IGBP1: variants seen among roughly 807,000 people sequenced by gnomAD.
IGBP1 encodes immunoglobulin binding protein 1.
IGBP1 carries 2 observed loss-of-function variants against 25.9 expected under a neutral mutation model. That is an observed-to-expected ratio of 0.08 (90% CI 0.03 to 0.24). IGBP1 has a LOEUF of 0.24. IGBP1 is among the 10% of genes least tolerant of loss of function. IGBP1 has a pLI of 1.00. For missense variants in IGBP1, 187 were observed against 260.4 expected, an observed-to-expected ratio of 0.72 and a Z score of 1.94; for synonymous variants, 96 against 93.4, an observed-to-expected ratio of 1.03 and a Z score of -0.16.
At chrX:70,152,487 A>C (rs1173810130) in intron 6 of IGBP1, among the ~76,000 whole-genome samples, 1 of 112,196 alleles carries the variant, frequency 8.9e-6, no homozygotes, top group African/African-American at 3.2e-5. Context: ...CAAACAGGAA[A>C]ATGTGACTCA....
chrX:70,163,056 A>T (rs187524207), intron 6 of IGBP1, among the ~76,000 whole-genome samples: 1,126 of 110,017 alleles, frequency 0.01, 10 homozygotes, highest in African/African-American at 0.035. Flanking sequence ...ATATATATAT[A>T]TTTTTATTTT....
chrX:70,138,165 A>C (rs1261386478), intron 3 of IGBP1, among the ~76,000 whole-genome samples: 1 of 109,851 alleles, frequency 9.1e-6, no homozygotes, highest in Admixed American at 9.7e-5. Flanking sequence ...GGTATTTGAG[A>C]TGAGTCTTAA....
At chrX:70,147,410 G>A (rs2085173674) in intron 4 of IGBP1, among the ~76,000 whole-genome samples, 1 of 109,894 alleles carries the variant, frequency 9.1e-6, no homozygotes, top group Non-Finnish European at 1.9e-5. Context: ...GTGACAGAAT[G>A]AGACTCCATC....
At chrX:70,156,608 T>G (rs1279003196) in intron 6 of IGBP1, among the ~76,000 whole-genome samples, 1 of 112,204 alleles carries the variant, frequency 8.9e-6, no homozygotes, top group African/African-American at 3.2e-5. Flanking sequence ...TACTTCTAAC[T>G]GGGAATAAGT....
At position 70,165,750 on chromosome X, in the gene IGBP1, C is replaced by G. The variant is rs1431944881; in HGVS notation, c.872-83C>G. On this transcript the variant is annotated intron_variant, in intron 6 of 6. Transcript: ENST00000356413. The stretch of plus-strand genomic sequence containing the variant: ...CCTGTTCTCATTGCATGTGGTTGTG[C>G]TCAGAGTGGAACTGAGGCCCCTGAC... 4.5e-6 allele frequency: 4 copies of G among 893,645 alleles called. No individual in the cohort carries two copies. In the African/African-American group the frequency reaches 8.0e-5, roughly 18 times the overall value. The allele number at this position is 893,645 out of a possible 1,213,427, so 73.6% of individuals were successfully genotyped here.
intron 6 of IGBP1, among the ~76,000 whole-genome samples, chrX:70,154,028 A>G (rs1254460993): frequency 5.6e-5 from 6 of 107,559 alleles, no homozygotes; most frequent in Non-Finnish European, 1.2e-4. Context: ...ATTGTTGTGC[A>G]CCATCCTTGA....
chrX:70,159,832 C>T (rs1417069939), intron 6 of IGBP1, among the ~76,000 whole-genome samples: 3 of 110,975 alleles, frequency 2.7e-5, no homozygotes, highest in Non-Finnish European at 5.7e-5. Flanking sequence ...TCTATGAGGC[C>T]GGGTGCAGTG....
At chrX:70,141,304 G>A (rs914779266) in intron 3 of IGBP1, among the ~76,000 whole-genome samples, 2 of 108,958 alleles carry the variant, frequency 1.8e-5, no homozygotes, top group African/African-American at 6.7e-5. Flanking sequence ...CCAAGATTGC[G>A]CCACTGCACT....
chrX:70,155,801 G>A (rs1039344277), intron 6 of IGBP1, among the ~76,000 whole-genome samples: 3 of 111,901 alleles, frequency 2.7e-5, no homozygotes, highest in African/African-American at 9.7e-5. Context: ...AGATAAAGTA[G>A]ATTTCAAGAC....
At chrX:70,156,595 A>G (rs771039385) in intron 6 of IGBP1, among the ~76,000 whole-genome samples, 2 of 112,413 alleles carry the variant, frequency 1.8e-5, no homozygotes, top group African/African-American at 6.5e-5. Flanking sequence ...GAAAATTAGA[A>G]AATACTTCTA....
At chrX:70,150,350 G>A (rs764153964) in intron 6 of IGBP1, 28 bp downstream of exon 6, 378 of 920,604 alleles carry the variant, frequency 4.1e-4, no homozygotes, top group Non-Finnish European at 5.8e-4. Context: ...GGAAATAGTT[G>A]TACCACTGGT....
At chrX:70,148,620 C>A in intron 4 of IGBP1, 141 bp from the exon 5 acceptor site, 1 of 507,519 alleles carries the variant, frequency 2.0e-6, no homozygotes, top group Non-Finnish European at 3.5e-6. Flanking sequence ...TAGTGTTCTG[C>A]TGCTATATCT....
At chrX:70,159,724 G>T (rs2085260986) in intron 6 of IGBP1, among the ~76,000 whole-genome samples, 1 of 111,313 alleles carries the variant, frequency 9.0e-6, no homozygotes, top group Non-Finnish European at 1.9e-5. Flanking sequence ...GGAGGGAGGG[G>T]TGTTCCAGAC....
chrX:70,149,653 CAAAA>C (rs59363387), intron 5 of IGBP1: 50 of 65,510 alleles, frequency 7.6e-4, no homozygotes, highest in South Asian at 2.9e-3. Context: ...GACTCCATCT[CAAAA>C]AAAAAAAAAA....
At chrX:70,142,333 AAAAT>A (rs2085135771) in intron 3 of IGBP1, among the ~76,000 whole-genome samples, 1 of 111,110 alleles carries the variant, frequency 9.0e-6, no homozygotes, top group African/African-American at 3.3e-5. Context: ...CCCTGTCTCA[AAAAT>A]AAAGAGAAGA....
At chrX:70,151,021 C>T (rs914878606) in intron 6 of IGBP1, among the ~76,000 whole-genome samples, 4 of 108,147 alleles carry the variant, frequency 3.7e-5, no homozygotes, top group Non-Finnish European at 5.7e-5. Flanking sequence ...AGTGCAATGG[C>T]GCGATCTTGG....
Position 70,150,164 on chromosome X carries a change from TG to T in IGBP1, c.759-45del, listed in dbSNP as rs1250292082. 9.2e-6 allele frequency: 7 copies of T among 762,105 alleles called. No homozygotes were observed. In the East Asian group the frequency reaches 2.2e-4, roughly 24 times the overall value. The allele number at this position is 762,105 out of a possible 1,213,427, so 62.8% of individuals were successfully genotyped here. The stretch of plus-strand genomic sequence containing the variant: ...AGTACTGGGTTTTTTTTGTTATTTT[TG>T]TTTTTTTGTTTTTTTGTTTTCTAAA... On this transcript the variant is annotated intron_variant, in intron 5 of 6. Coordinates refer to ENST00000356413, the MANE Select transcript of IGBP1 (RefSeq NM_001551.3).
At chrX:70,142,744 A>G (rs919283047) in intron 3 of IGBP1, among the ~76,000 whole-genome samples, 4 of 109,434 alleles carry the variant, frequency 3.7e-5, no homozygotes, top group African/African-American at 1.3e-4. Flanking sequence ...ACTTGAGCCC[A>G]GGAGCTAGAG....
At chrX:70,164,643 A>G (rs2085287600) in intron 6 of IGBP1, among the ~76,000 whole-genome samples, 1 of 111,808 alleles carries the variant, frequency 8.9e-6, no homozygotes, top group Non-Finnish European at 1.9e-5. Context: ...AGGGGAGGAG[A>G]GTTGATTTGT....
Sources: allele counts gnomAD v4.1 joint callset (sites outside exome capture counted in the v4.1 genomes callset), GRCh38; gene constraint gnomAD v4.1.1; transcripts MANE v1.5; gene names NCBI Gene and HGNC (gene_info 2026-07-23, HGNC 2026-07-21).